The following FHIT variants were observed in gnomAD, a reference collection of about 807,000 sequenced individuals.
FHIT encodes the protein bis(5'-adenosyl)-triphosphatase.
Under a neutral mutation model 17.9 loss-of-function variants are expected in FHIT, and 19 were observed. The observed-to-expected ratio is 1.06, with a 90% CI of 0.74 to 1.56. FHIT has a LOEUF of 1.56. Among genes scored for constraint, FHIT ranks in the 40% most tolerant of loss-of-function variants. The pLI is 0.00. For missense variants in FHIT, 248 were observed against 189.2 expected, an observed-to-expected ratio of 1.31 and a Z score of -1.82; for synonymous variants, 81 against 69.7, an observed-to-expected ratio of 1.16 and a Z score of -0.81.
intron 8 of FHIT, among the ~76,000 whole-genome samples, chr3:59,800,693 A>G (rs1472347518): frequency 3.3e-5 from 5 of 152,208 alleles, no homozygotes; most frequent in African/African-American, 1.2e-4. Context: ...GTCACAATCA[A>G]TACTCATTAA....
intron 7 of FHIT, among the ~76,000 whole-genome samples, chr3:60,009,503 C>G (rs1186822666): frequency 6.6e-6 from 1 of 151,986 alleles, no homozygotes; most frequent in Non-Finnish European, 1.5e-5. Flanking sequence ...GTAACAAAAA[C>G]ATTACACATT....
intron 7 of FHIT, among the ~76,000 whole-genome samples, chr3:59,971,812 C>A (rs959029501): frequency 6.6e-6 from 1 of 152,124 alleles, no homozygotes; most frequent in African/African-American, 2.4e-5. Context: ...GTGGGCATTT[C>A]AAGGGTCACT....
At chr3:60,528,299 T>C (rs1456728056) in intron 5 of FHIT, among the ~76,000 whole-genome samples, 2 of 152,152 alleles carry the variant, frequency 1.3e-5, no homozygotes, top group East Asian at 1.9e-4. Context: ...CAATAATGCA[T>C]TGTTAGTCAT....
chr3:61,238,163 G>T (rs1412176008), intron 1 of FHIT, among the ~76,000 whole-genome samples: 3 of 152,134 alleles, frequency 2.0e-5, no homozygotes, highest in Admixed American at 1.3e-4. Flanking sequence ...AATAAACAAA[G>T]CATTATCACC....
chr3:60,002,441 C>CTAATTATTGTCT (rs1699766386), intron 7 of FHIT, among the ~76,000 whole-genome samples: 2 of 152,084 alleles, frequency 1.3e-5, no homozygotes, highest in South Asian at 2.1e-4. Flanking sequence ...ATCTATTAGA[C>CTAATTATTGTCT]AATAAGGTAG....
chr3:60,537,378 C>T (rs2036021866), intron 4 of FHIT: 1 of 656,952 alleles, frequency 1.5e-6, no homozygotes. Context: ...AACTATAAAC[C>T]TTCTAATTCT....
intron 2 of FHIT, among the ~76,000 whole-genome samples, chr3:61,158,779 A>G (rs2037605501): frequency 6.6e-6 from 1 of 152,228 alleles, no homozygotes; most frequent in African/African-American, 2.4e-5. Context: ...AAATGAGAAC[A>G]CAAAGTCACA....
intron 4 of FHIT, among the ~76,000 whole-genome samples, chr3:60,736,079 A>G (rs1474903669): frequency 6.6e-6 from 1 of 152,234 alleles, no homozygotes; most frequent in Non-Finnish European, 1.5e-5. Flanking sequence ...GGAAATGCAA[A>G]TCAGCTCTAC....
At chr3:59,932,518 A>C (rs1416766257) in intron 7 of FHIT, among the ~76,000 whole-genome samples, 1 of 152,202 alleles carries the variant, frequency 6.6e-6, no homozygotes, top group Admixed American at 6.5e-5. Flanking sequence ...AGCTGTTGTC[A>C]TAGTTCTGTC....
At chr3:60,554,254 AGAAC>A (rs2036668105) in intron 4 of FHIT, among the ~76,000 whole-genome samples, 1 of 149,130 alleles carries the variant, frequency 6.7e-6, no homozygotes, top group South Asian at 2.1e-4. Context: ...AAAAAAAAAA[AGAAC>A]AAACAAAACG....
At chr3:60,847,799 T>C (rs1164247155) in intron 3 of FHIT, among the ~76,000 whole-genome samples, 7 of 152,170 alleles carry the variant, frequency 4.6e-5, no homozygotes, top group African/African-American at 1.7e-4. Flanking sequence ...TTCCTATTAG[T>C]CGACATTTCT....
chr3:60,290,041 T>C (rs1707910379), intron 5 of FHIT, among the ~76,000 whole-genome samples: 1 of 152,174 alleles, frequency 6.6e-6, no homozygotes. Flanking sequence ...CTCAGCTGAT[T>C]GTGGTTCTTA....
intron 2 of FHIT, among the ~76,000 whole-genome samples, chr3:61,112,998 G>T (rs2036203996): frequency 6.6e-6 from 1 of 151,826 alleles, no homozygotes; most frequent in South Asian, 2.1e-4. Flanking sequence ...CACTGTGTGT[G>T]TTTATTTGTT....
chr3:60,665,067 A>G (rs2040350500), intron 4 of FHIT, among the ~76,000 whole-genome samples: 1 of 151,670 alleles, frequency 6.6e-6, no homozygotes, highest in Non-Finnish European at 1.5e-5. Flanking sequence ...TTAAAGACTT[A>G]CTCTTTGACC....
At chr3:60,407,986 T>A (rs1701935509) in intron 5 of FHIT, among the ~76,000 whole-genome samples, 1 of 152,162 alleles carries the variant, frequency 6.6e-6, no homozygotes, top group South Asian at 2.1e-4. Context: ...ATTTCAAGTA[T>A]CAGTTGCATA....
intron 4 of FHIT, among the ~76,000 whole-genome samples, chr3:60,791,457 T>A (rs782743845): frequency 1.3e-5 from 2 of 152,218 alleles, no homozygotes; most frequent in Non-Finnish European, 1.5e-5. Context: ...ATGATTGGGC[T>A]AAGCATAAGC....
At chr3:60,744,271 A>AAAAAAAAAAAC (rs2042309176) in intron 4 of FHIT, among the ~76,000 whole-genome samples, 16 of 52,132 alleles carry the variant, frequency 3.1e-4, no homozygotes, top group East Asian at 1.0e-3. Context: ...AACAAAACAA[A>AAAAAAAAAAAC]AAAAAAAAAA....
intron 8 of FHIT, among the ~76,000 whole-genome samples, chr3:59,889,934 T>A (rs1703783388): frequency 1.3e-5 from 2 of 152,206 alleles, no homozygotes. Flanking sequence ...AGAGGACTTA[T>A]TAGTGTCTGT....
At chr3:60,937,216 A>G (rs1447928) in intron 3 of FHIT, among the ~76,000 whole-genome samples, 147,003 of 152,334 alleles carry the variant, frequency 0.97, 71,148 homozygotes, top group East Asian at 1. Context: ...ACAGACCCAC[A>G]TTAATTCATG....
Sources: allele counts gnomAD v4.1 joint callset (sites outside exome capture counted in the v4.1 genomes callset), GRCh38; gene constraint gnomAD v4.1.1; transcripts MANE v1.5; gene names NCBI Gene and HGNC (gene_info 2026-07-23, HGNC 2026-07-21).